CNTNAP2: variants seen among roughly 807,000 people sequenced by gnomAD.
CNTNAP2 encodes contactin associated protein 2.
In CNTNAP2, 98 loss-of-function variants were observed where a neutral mutation model predicts 155.2. The ratio of observed to expected loss-of-function variants is 0.63; its 90% CI spans 0.54 to 0.75. The LOEUF (loss-of-function observed/expected upper bound fraction) is 0.75, where lower values mean the gene tolerates loss of function less well. Ranked by LOEUF, CNTNAP2 falls within the 30% of genes least tolerant of loss-of-function variation. The pLI is 0.00. For synonymous variants in CNTNAP2, 651 were observed against 631.2 expected (o/e 1.03, Z -0.47); for missense variants, 1,727 against 1,688.1 (o/e 1.02, Z -0.40).
intron 15 of CNTNAP2, among the ~76,000 whole-genome samples, chr7:148,019,406 CT>C (rs1379754658): frequency 6.6e-6 from 1 of 152,110 alleles, no homozygotes; most frequent in African/African-American, 2.4e-5. Context: ...CTTATTGATT[CT>C]TCAGTTCCTT....
At chr7:147,464,774 G>C (rs562048072) in intron 10 of CNTNAP2, among the ~76,000 whole-genome samples, 2 of 152,278 alleles carry the variant, frequency 1.3e-5, no homozygotes, top group South Asian at 4.1e-4. Context: ...TTTCATAGCA[G>C]TGTGATTTTA....
At chr7:146,354,729 C>T (rs1794973041) in intron 1 of CNTNAP2, among the ~76,000 whole-genome samples, 1 of 151,976 alleles carries the variant, frequency 6.6e-6, no homozygotes, top group African/African-American at 2.4e-5. Context: ...TTTTGTTAGT[C>T]CTTTAAGGGA....
At chr7:146,996,436 T>C (rs1043814236) in intron 3 of CNTNAP2, among the ~76,000 whole-genome samples, 16 of 152,122 alleles carry the variant, frequency 1.1e-4, no homozygotes, top group Non-Finnish European at 2.2e-4. Flanking sequence ...TTCACCTCCC[T>C]GGTTAAAATT....
At chr7:146,573,125 C>G (rs1046311216) in intron 1 of CNTNAP2, among the ~76,000 whole-genome samples, 1 of 151,954 alleles carries the variant, frequency 6.6e-6, no homozygotes, top group African/African-American at 2.4e-5. Context: ...GATGTGCTCT[C>G]CTAAGTTTTT....
At chr7:147,526,281 T>C (rs1290982164) in intron 11 of CNTNAP2, among the ~76,000 whole-genome samples, 1 of 152,136 alleles carries the variant, frequency 6.6e-6, no homozygotes, top group African/African-American at 2.4e-5. Flanking sequence ...AAAATCTAAT[T>C]CACAGTGTGA....
chr7:146,930,478 A>G (rs530303938), intron 3 of CNTNAP2, among the ~76,000 whole-genome samples: 5 of 152,360 alleles, frequency 3.3e-5, no homozygotes, highest in Middle Eastern at 6.8e-3. Flanking sequence ...CAGCCACTGC[A>G]AAATCATACC....
intron 13 of CNTNAP2, among the ~76,000 whole-genome samples, chr7:147,745,050 G>GAGA (rs1297987866): frequency 6.6e-6 from 1 of 151,704 alleles, no homozygotes; most frequent in African/African-American, 2.4e-5. Flanking sequence ...ATTTCTGAGA[G>GAGA]AAAAAAAAGA....
At chr7:147,541,060 C>T (rs758266802) in intron 11 of CNTNAP2, among the ~76,000 whole-genome samples, 2 of 152,092 alleles carry the variant, frequency 1.3e-5, no homozygotes, top group African/African-American at 2.4e-5. Flanking sequence ...GTGCTTATAG[C>T]AAGGAAAACT....
At chr7:146,433,487 TCTTTA>T (rs901315031) in intron 1 of CNTNAP2, among the ~76,000 whole-genome samples, 16 of 152,152 alleles carry the variant, frequency 1.1e-4, no homozygotes, top group Non-Finnish European at 2.1e-4. Context: ...CAAAGGCTTC[TCTTTA>T]CTTCTGCTTT....
chr7:147,940,455 A>ATCAATACG (rs1563142109), intron 14 of CNTNAP2, among the ~76,000 whole-genome samples: 3 of 151,946 alleles, frequency 2.0e-5, no homozygotes, highest in Non-Finnish European at 4.4e-5. Flanking sequence ...CGATCAATAC[A>ATCAATACG]ATCTTCAAAC....
intron 13 of CNTNAP2, among the ~76,000 whole-genome samples, chr7:147,701,880 C>T (rs558699047): frequency 7.9e-5 from 12 of 152,192 alleles, no homozygotes; most frequent in African/African-American, 2.9e-4. Flanking sequence ...GCTTTCATTA[C>T]GGTGCGGAAG....
intron 1 of CNTNAP2, among the ~76,000 whole-genome samples, chr7:146,246,210 A>G (rs1226616049): frequency 6.6e-6 from 1 of 151,000 alleles, no homozygotes. Flanking sequence ...GAGGGAGTAG[A>G]AGTATCTTAT....
intron 15 of CNTNAP2, among the ~76,000 whole-genome samples, chr7:148,060,841 C>T (rs993197215): frequency 6.6e-6 from 1 of 152,122 alleles, no homozygotes; most frequent in African/African-American, 2.4e-5. Context: ...AAAGGTTTAA[C>T]TCAGCTCTGT....
At chr7:147,799,367 T>G (rs989759257) in intron 13 of CNTNAP2, among the ~76,000 whole-genome samples, 1 of 152,132 alleles carries the variant, frequency 6.6e-6, no homozygotes, top group Non-Finnish European at 1.5e-5. Context: ...CCTGCAATCA[T>G]GTAGTAAATC....
At chr7:147,548,509 C>A (rs1485874410) in intron 11 of CNTNAP2, among the ~76,000 whole-genome samples, 1 of 151,976 alleles carries the variant, frequency 6.6e-6, no homozygotes, top group Admixed American at 6.6e-5. Flanking sequence ...GATATTAGAC[C>A]TTTGTCAGAT....
At chr7:147,040,828 T>G (rs1017303747) in intron 3 of CNTNAP2, among the ~76,000 whole-genome samples, 1 of 152,158 alleles carries the variant, frequency 6.6e-6, no homozygotes, top group Non-Finnish European at 1.5e-5. Flanking sequence ...GGGAAGAGGT[T>G]GCTGAGCAGT....
chr7:146,913,740 G>A (rs1256262002), intron 3 of CNTNAP2, among the ~76,000 whole-genome samples: 2 of 151,900 alleles, frequency 1.3e-5, no homozygotes, highest in Non-Finnish European at 2.9e-5. Context: ...AGATAAGTGG[G>A]GTATCAACAT....
chr7:148,013,672 C>T (rs1039331289), intron 15 of CNTNAP2, among the ~76,000 whole-genome samples: 1 of 152,166 alleles, frequency 6.6e-6, no homozygotes, highest in Non-Finnish European at 1.5e-5. Flanking sequence ...TTCCCCTGAT[C>T]ACCTTAGCCT....
intron 1 of CNTNAP2, among the ~76,000 whole-genome samples, chr7:146,512,581 A>G (rs1797483122): frequency 6.6e-6 from 1 of 150,814 alleles, no homozygotes; most frequent in South Asian, 2.1e-4. Flanking sequence ...ATTTTCATAT[A>G]TTCGTAGAGT....
Sources: gnomAD v4.1 joint callset for allele counts (sites outside exome capture counted in the v4.1 genomes callset) on GRCh38, gnomAD v4.1.1 for gene constraint, MANE v1.5 for transcripts, NCBI Gene and HGNC (gene_info 2026-07-23, HGNC 2026-07-21) for gene names.